COBLL1: variants seen among roughly 807,000 people sequenced by gnomAD.
COBLL1 encodes the protein cordon-bleu WH2 repeat protein like 1.
COBLL1 carries 50 observed loss-of-function variants against 94.8 expected under a neutral mutation model. The observed-to-expected ratio is 0.53, with a 90% CI of 0.42 to 0.67. The LOEUF is 0.67. Among genes scored for constraint, COBLL1 ranks in the 30% least tolerant of loss-of-function variants. The pLI, the probability that COBLL1 is intolerant of heterozygous loss-of-function variation, is 0.00. For missense variants in COBLL1, 1,362 were observed against 1,348.7 expected (o/e 1.01, Z -0.15); for synonymous variants, 448 against 473.8 (o/e 0.95, Z 0.71).
At chr2:164,837,112 C>G (rs1683351903) in intron 2 of COBLL1, among the ~76,000 whole-genome samples, 2 of 152,190 alleles carry the variant, frequency 1.3e-5, no homozygotes, top group African/African-American at 4.8e-5. Flanking sequence ...CTCCATAGCT[C>G]CAAAGCTGCA....
chr2:164,730,306 A>G (rs1685928447), intron 3 of COBLL1, among the ~76,000 whole-genome samples, 191 bp from the exon 4 acceptor site: 1 of 151,122 alleles, frequency 6.6e-6, no homozygotes, highest in Admixed American at 6.6e-5. Context: ...CCTGGGCAAC[A>G]TGGCAAGACC....
intron 2 of COBLL1, among the ~76,000 whole-genome samples, chr2:164,792,315 G>A (rs570901526): frequency 8.6e-5 from 13 of 151,976 alleles, no homozygotes; most frequent in East Asian, 3.9e-4. Flanking sequence ...TTTTTGTATA[G>A]ATGGGGTCTC....
Position 164,684,435 on chromosome 2 carries a change from A to T in COBLL1, c.*1511T>A. The T allele has an allele frequency of 6.6e-6, 1 of 152,126 alleles. No homozygotes were observed. The highest frequency in any genetic ancestry group is 1.9e-4 in the East Asian group (1 of 5,194). 9.4% of individuals were successfully genotyped at this position (152,126 alleles called of 1,614,324 possible). A position where few individuals can be genotyped will look rare whatever the true frequency, so the allele number is the denominator to read the frequency against. ...ATGACAACACAATTTTTTAAAAAAA[A>T]TTCACTCCTTTCTCTACTTGCTTAT... On this transcript the variant is annotated 3_prime_UTR_variant, in exon 14 of 14. Transcript: ENST00000652658.
intron 2 of COBLL1, among the ~76,000 whole-genome samples, chr2:164,805,323 C>CTA (rs1559033361): frequency 1.3e-3 from 45 of 33,648 alleles, no homozygotes; most frequent in Admixed American, 2.1e-3. Flanking sequence ...CTCTCTCTCT[C>CTA]TCTCTCTCTC....
chr2:164,832,261 C>T (rs1473479045), intron 2 of COBLL1, among the ~76,000 whole-genome samples: 1 of 152,162 alleles, frequency 6.6e-6, no homozygotes, highest in African/African-American at 2.4e-5. Flanking sequence ...GTTGTAATTA[C>T]AGAAGCTATG....
At chr2:164,676,687 T>TC (rs1691342526), downstream of COBLL1, among the ~76,000 whole-genome samples, 1 of 151,382 alleles carries the variant, frequency 6.6e-6, no homozygotes, top group Non-Finnish European at 1.5e-5. Context: ...CTTTTTTTTT[T>TC]TCCCCCCCTT....
At chr2:164,751,855 C>T (rs1280326608) in intron 2 of COBLL1, among the ~76,000 whole-genome samples, 1 of 152,142 alleles carries the variant, frequency 6.6e-6, no homozygotes, top group Non-Finnish European at 1.5e-5. Flanking sequence ...TGTATGAAGA[C>T]TCCCTCATTT....
intron 2 of COBLL1, among the ~76,000 whole-genome samples, chr2:164,767,818 T>C (rs940484359): frequency 2.0e-5 from 3 of 152,186 alleles, no homozygotes; most frequent in African/African-American, 2.4e-5. Flanking sequence ...TGTTTTTACA[T>C]TGTATGTATA....
At chr2:164,770,292 C>G (rs546039641) in intron 2 of COBLL1, among the ~76,000 whole-genome samples, 11 of 151,724 alleles carry the variant, frequency 7.3e-5, no homozygotes, top group African/African-American at 2.7e-4. Context: ...ATTTAGAGTG[C>G]CAGATGGAAA....
At position 164,685,950 on chromosome 2, in the gene COBLL1, T is replaced by C. The variant is rs1212679674; in HGVS notation, c.3383A>G (p.His1128Arg). ...HSMSPDAQDG[H>R] Reference sequence around the variant, plus strand: ...AGTGGTGTGGCAGGGTAACATTTAATGGCCGTCCTGGGCATCAGGGGACAT... The same window carrying C: ...AGTGGTGTGGCAGGGTAACATTTAACGGCCGTCCTGGGCATCAGGGGACAT... The change falls in exon 14 of 14, where the codon CAT (histidine) becomes CGT (arginine). Residue 1128 changes from histidine to arginine, a missense_variant. By Grantham distance (29) the His-to-Arg change is conservative (BLOSUM62 0). Coordinates refer to ENST00000652658, the MANE Select transcript of COBLL1 (RefSeq NM_001365672.2). 2 of 1,599,298 alleles carry C rather than the reference T, an allele frequency of 1.3e-6. No individual in the cohort carries two copies. The highest frequency in any genetic ancestry group is 8.6e-7 in the Non-Finnish European group (1 of 1,167,794).
intron 2 of COBLL1, among the ~76,000 whole-genome samples, chr2:164,757,642 T>C (rs1687478085): frequency 6.6e-6 from 1 of 152,016 alleles, no homozygotes. Context: ...AAAATATAAC[T>C]ACAAAGTAAA....
At chr2:164,803,478 T>C (rs1445646817) in intron 2 of COBLL1, among the ~76,000 whole-genome samples, 3 of 150,280 alleles carry the variant, frequency 2.0e-5, no homozygotes, top group Non-Finnish European at 4.5e-5. Context: ...GGCAGGAGAA[T>C]GGCGTGAACC....
At chr2:164,823,085 G>T (rs988913839) in intron 2 of COBLL1, among the ~76,000 whole-genome samples, 4 of 152,132 alleles carry the variant, frequency 2.6e-5, no homozygotes, top group African/African-American at 9.7e-5. Context: ...GCATTTCAGA[G>T]ATTTGGACTT....
In COBLL1 at chr2:164,712,257, T is replaced by C. The variant is rs192543270; in HGVS notation, c.997-7152A>G. Reference sequence around the variant, plus strand: ...TGGATTAAAGAGTTAAATGAAAGAATACATATGGAAAATAAAAACACTCAG... The same window carrying C: ...TGGATTAAAGAGTTAAATGAAAGAACACATATGGAAAATAAAAACACTCAG... On this transcript the variant is annotated intron_variant, in intron 7 of 13. Coordinates refer to ENST00000652658, the MANE Select transcript of COBLL1 (RefSeq NM_001365672.2). Among the ~76,000 whole-genome samples, 1,079 of 152,190 alleles carry C rather than the reference T, an allele frequency of 7.1e-3. 9 individuals are homozygous for C. Among genetic ancestry groups the C allele is most frequent in the Non-Finnish European group, 0.011 (741 of 67,960 alleles).
intron 2 of COBLL1, among the ~76,000 whole-genome samples, chr2:164,813,705 T>A (rs1162725867): frequency 2.6e-5 from 4 of 152,208 alleles, no homozygotes; most frequent in Non-Finnish European, 4.4e-5. Context: ...ACAACTGAAC[T>A]TATTGGGCTG....
chr2:164,679,088 C>T (rs776856309), downstream of COBLL1, among the ~76,000 whole-genome samples: 5 of 152,152 alleles, frequency 3.3e-5, no homozygotes, highest in Admixed American at 6.5e-5. Flanking sequence ...CAGCCTCTAG[C>T]ATTTAGCAAA....
chr2:164,705,384 A>C (rs927313364), intron 7 of COBLL1: 6 of 264,710 alleles, frequency 2.3e-5, no homozygotes, highest in Admixed American at 1.6e-4. Flanking sequence ...TAAGTAACAG[A>C]GTTAAAACCT....
At chr2:164,748,460 T>C (rs1686976877) in intron 2 of COBLL1, among the ~76,000 whole-genome samples, 1 of 152,128 alleles carries the variant, frequency 6.6e-6, no homozygotes, top group Admixed American at 6.6e-5. Flanking sequence ...GAAATTCTGA[T>C]AATATAAACT....
intron 2 of COBLL1, among the ~76,000 whole-genome samples, chr2:164,838,713 G>T (rs1468120446): frequency 6.6e-6 from 1 of 152,136 alleles, no homozygotes; most frequent in African/African-American, 2.4e-5. Flanking sequence ...TTACAACAAT[G>T]TAAAACTTGG....
Sources: allele counts gnomAD v4.1 joint callset (sites outside exome capture counted in the v4.1 genomes callset), GRCh38; gene constraint gnomAD v4.1.1; transcripts MANE v1.5; gene names NCBI Gene and HGNC (gene_info 2026-07-23, HGNC 2026-07-21).